The following AGBL1 variants were observed in gnomAD, a reference collection of about 807,000 sequenced individuals.
AGBL1 encodes AGBL carboxypeptidase 1.
Under a neutral mutation model 118.9 loss-of-function variants are expected in AGBL1, and 130 were observed. That is an observed-to-expected ratio of 1.09 (90% CI 0.95 to 1.26). The LOEUF is 1.26. AGBL1 is among the 50% of genes most tolerant of loss of function. The pLI, the probability that AGBL1 is intolerant of heterozygous loss-of-function variation, is 0.00. For synonymous variants in AGBL1, 555 were observed against 478.9 expected (o/e 1.16, Z -2.08); for missense variants, 1,584 against 1,298.1 (o/e 1.22, Z -3.38).
chr15:86,995,078 A>T (rs1450883649), intron 24 of AGBL1, among the ~76,000 whole-genome samples: 1 of 152,074 alleles, frequency 6.6e-6, no homozygotes, highest in Non-Finnish European at 1.5e-5. Flanking sequence ...GGTAGATAGT[A>T]AATTGTGCTT....
intron 21 of AGBL1, among the ~76,000 whole-genome samples, chr15:86,634,120 T>C (rs1005471550): frequency 3.9e-5 from 6 of 152,080 alleles, no homozygotes; most frequent in African/African-American, 1.4e-4. Context: ...GGCGAGAATG[T>C]AACGTGGTGA....
intron 24 of AGBL1, among the ~76,000 whole-genome samples, chr15:86,999,280 T>C (rs150109823): frequency 9.0e-4 from 136 of 151,898 alleles, no homozygotes; most frequent in African/African-American, 3.2e-3. Flanking sequence ...TGCAGGTTAG[T>C]TACATGTGTG....
At chr15:86,716,007 A>C (rs1418273622) in intron 22 of AGBL1, among the ~76,000 whole-genome samples, 1 of 151,002 alleles carries the variant, frequency 6.6e-6, no homozygotes, top group African/African-American at 2.4e-5. Flanking sequence ...TGGAGCTTGC[A>C]GTGAGCTGAG....
intron 23 of AGBL1, among the ~76,000 whole-genome samples, chr15:86,942,551 A>C (rs2141656477): frequency 6.6e-6 from 1 of 152,314 alleles, no homozygotes; most frequent in Non-Finnish European, 1.5e-5. Flanking sequence ...TAGACATCTG[A>C]AGAGACATAG....
At chr15:86,945,237 C>T (rs1269223562) in intron 23 of AGBL1, among the ~76,000 whole-genome samples, 1 of 111,976 alleles carries the variant, frequency 8.9e-6, no homozygotes, top group Non-Finnish European at 1.9e-5. Flanking sequence ...GAGCAAGACC[C>T]CATCACTAAA....
chr15:86,682,196 C>T (rs931637310), intron 22 of AGBL1, among the ~76,000 whole-genome samples: 1 of 152,120 alleles, frequency 6.6e-6, no homozygotes, highest in Admixed American at 6.6e-5. Flanking sequence ...GAATGGAACT[C>T]CGCCTGGGAA....
At chr15:86,550,470 G>A (rs1274926259) in intron 20 of AGBL1, among the ~76,000 whole-genome samples, 2 of 152,090 alleles carry the variant, frequency 1.3e-5, no homozygotes, top group African/African-American at 4.8e-5. Context: ...CCATAATAAA[G>A]ATGGTTATAT....
At chr15:86,709,625 C>A (rs180829730) in intron 22 of AGBL1, among the ~76,000 whole-genome samples, 1 of 152,208 alleles carries the variant, frequency 6.6e-6, no homozygotes, top group African/African-American at 2.4e-5. Flanking sequence ...CAAAGAATAG[C>A]CAACACAATC....
chr15:86,542,163 G>A (rs1431032256), intron 19 of AGBL1, among the ~76,000 whole-genome samples: 1 of 152,142 alleles, frequency 6.6e-6, no homozygotes, highest in Non-Finnish European at 1.5e-5. Context: ...GAGCTTTGCT[G>A]GCATAATGTA....
chr15:86,147,437 AC>A (rs2077047752), intron 3 of AGBL1, among the ~76,000 whole-genome samples: 1 of 152,220 alleles, frequency 6.6e-6, no homozygotes, highest in Non-Finnish European at 1.5e-5. Context: ...AAGGTTAGCA[AC>A]CTGCAGACAA....
At chr15:86,370,170 C>G (rs927597500) in intron 17 of AGBL1, among the ~76,000 whole-genome samples, 2 of 152,010 alleles carry the variant, frequency 1.3e-5, no homozygotes, top group Non-Finnish European at 2.9e-5. Context: ...TGAGGTGTAG[C>G]TAAATCAGTA....
At chr15:86,564,510 T>C (rs1388903421) in intron 21 of AGBL1, among the ~76,000 whole-genome samples, 1 of 152,248 alleles carries the variant, frequency 6.6e-6, no homozygotes, top group African/African-American at 2.4e-5. Context: ...GCTGTTAGTC[T>C]GATGGGCTTC....
chr15:86,588,505 G>A (rs2084286414), intron 21 of AGBL1, among the ~76,000 whole-genome samples: 1 of 152,196 alleles, frequency 6.6e-6, no homozygotes, highest in Non-Finnish European at 1.5e-5. Flanking sequence ...GGAGTGCTGG[G>A]ATCTGTGGGA....
intron 24 of AGBL1, among the ~76,000 whole-genome samples, chr15:87,021,676 G>C (rs537285636): frequency 6.6e-6 from 1 of 152,190 alleles, no homozygotes; most frequent in South Asian, 2.1e-4. Context: ...CCATTAAAAC[G>C]TGAGCAAAGC....
intron 18 of AGBL1, among the ~76,000 whole-genome samples, chr15:86,432,978 G>C (rs567757155): frequency 6.6e-6 from 1 of 152,160 alleles, no homozygotes; most frequent in Non-Finnish European, 1.5e-5. Context: ...GCCATGCTGA[G>C]GTCCAGTCCT....
Position 86,407,122 on chromosome 15 carries a change from T to C in AGBL1, c.2555+9576T>C, listed in dbSNP as rs1049002867. Among the ~76,000 whole-genome samples, 3 of 152,250 alleles carry C rather than the reference T, an allele frequency of 2.0e-5. No individual in the cohort carries two copies. The East Asian group carries it at 5.8e-4, about 29-fold the overall frequency. On this transcript the variant is annotated intron_variant, in intron 18 of 22. Transcript: ENST00000614907. Reference sequence around the variant, plus strand: ...CTACACATTATCAACCTTTTCATTTTCTGTCAATCTGATTGGATAAACATG... The same window carrying C: ...CTACACATTATCAACCTTTTCATTTCCTGTCAATCTGATTGGATAAACATG...
chr15:86,940,260 T>C (rs2080734025), intron 23 of AGBL1, among the ~76,000 whole-genome samples: 1 of 151,946 alleles, frequency 6.6e-6, no homozygotes. Flanking sequence ...AAACACACTT[T>C]CTTTTAGAAA....
At chr15:86,325,310 G>C (rs1418804156) in intron 17 of AGBL1, among the ~76,000 whole-genome samples, 1 of 152,206 alleles carries the variant, frequency 6.6e-6, no homozygotes, top group Non-Finnish European at 1.5e-5. Context: ...GGGATGAGTA[G>C]ATGATGCTGT....
chr15:86,688,664 G>A (rs1312125260), intron 22 of AGBL1, among the ~76,000 whole-genome samples: 2 of 152,130 alleles, frequency 1.3e-5, no homozygotes, highest in Non-Finnish European at 2.9e-5. Context: ...TCCCTATGAA[G>A]TGAAATGTTC....
Sources: gnomAD v4.1 joint callset for allele counts (sites outside exome capture counted in the v4.1 genomes callset) on GRCh38, gnomAD v4.1.1 for gene constraint, MANE v1.5 for transcripts, NCBI Gene and HGNC (gene_info 2026-07-23, HGNC 2026-07-21) for gene names.